EHBP1: variants seen among roughly 807,000 people sequenced by gnomAD.
EHBP1 encodes EH domain-binding protein 1.
Under a neutral mutation model 144.0 loss-of-function variants are expected in EHBP1, and 55 were observed. The ratio of observed to expected loss-of-function variants is 0.38; its 90% CI spans 0.31 to 0.48. The LOEUF (loss-of-function observed/expected upper bound fraction) is 0.48. Among genes scored for constraint, EHBP1 ranks in the 20% least tolerant of loss-of-function variants. EHBP1 has a pLI of 0.98. For missense variants in EHBP1, 1,200 were observed against 1,364.2 expected, an observed-to-expected ratio of 0.88 and a Z score of 1.90; for synonymous variants, 469 against 472.7, an observed-to-expected ratio of 0.99 and a Z score of 0.10.
chr2:62,971,273 A>T (rs2058484146), intron 14 of EHBP1, among the ~76,000 whole-genome samples: 1 of 152,232 alleles, frequency 6.6e-6, no homozygotes. Context: ...TATCCTGAAG[A>T]TGTTAGCAAA....
chr2:63,035,954 A>C (rs2061425896), intron 19 of EHBP1, among the ~76,000 whole-genome samples: 2 of 152,034 alleles, frequency 1.3e-5, no homozygotes, highest in African/African-American at 4.8e-5. Context: ...AAAACAATAA[A>C]GACTTTTGTT....
intron 2 of EHBP1, among the ~76,000 whole-genome samples, chr2:62,733,880 T>G (rs1048146104): frequency 2.6e-5 from 4 of 152,210 alleles, no homozygotes; most frequent in African/African-American, 9.7e-5. Flanking sequence ...TTTCTTACTC[T>G]GGTACTGTGG....
chr2:62,990,325 G>T (rs1335932145), intron 15 of EHBP1, among the ~76,000 whole-genome samples: 1 of 151,890 alleles, frequency 6.6e-6, no homozygotes, highest in Non-Finnish European at 1.5e-5. Context: ...TATACTAAAA[G>T]AAAACTACAA....
At chr2:62,731,637 C>T (rs1260960842) in intron 2 of EHBP1, among the ~76,000 whole-genome samples, 4 of 152,100 alleles carry the variant, frequency 2.6e-5, no homozygotes, top group Non-Finnish European at 4.4e-5. Flanking sequence ...GTCAAATACT[C>T]CATCTAATGA....
At chr2:62,920,889 G>A (rs569033140) in intron 10 of EHBP1, among the ~76,000 whole-genome samples, 44 of 151,848 alleles carry the variant, frequency 2.9e-4, no homozygotes, top group African/African-American at 1.0e-3. Flanking sequence ...GGCTGGTCTC[G>A]AATTCCTGAC....
chr2:62,760,092 CCCT>C (rs2040645266), intron 3 of EHBP1, among the ~76,000 whole-genome samples: 2 of 152,004 alleles, frequency 1.3e-5, no homozygotes, highest in African/African-American at 4.8e-5. Context: ...GAAAAGTCAG[CCCT>C]CCACATATGC....
At chr2:62,979,460 G>C in intron 15 of EHBP1, 125 bp downstream of exon 15, 12 of 959,986 alleles carry the variant, frequency 1.3e-5, no homozygotes, top group Non-Finnish European at 1.6e-5. Context: ...CTATTGATAT[G>C]TTGCAAAACA....
intron 10 of EHBP1, among the ~76,000 whole-genome samples, chr2:62,888,596 T>A (rs2052144206): frequency 6.6e-6 from 1 of 152,336 alleles, no homozygotes; most frequent in East Asian, 1.9e-4. Flanking sequence ...AAATAACTTA[T>A]TTGTGTACTT....
chr2:62,840,786 T>G (rs1172286789), intron 7 of EHBP1, among the ~76,000 whole-genome samples: 1 of 151,668 alleles, frequency 6.6e-6, no homozygotes, highest in Non-Finnish European at 1.5e-5. Flanking sequence ...AAAACCACTA[T>G]GAGATATCAT....
At chr2:62,810,247 A>G (rs1334531054) in intron 5 of EHBP1, among the ~76,000 whole-genome samples, 2 of 152,232 alleles carry the variant, frequency 1.3e-5, no homozygotes, top group Non-Finnish European at 2.9e-5. Flanking sequence ...GAAAAAAAGT[A>G]TAGCATTAAA....
Position 62,879,590 on chromosome 2 carries a change from C to CACACACAG in EHBP1, c.1185+5059_1185+5060insCACACAGA, listed in dbSNP as rs1453595274. On this transcript the variant is annotated intron_variant, in intron 10 of 22. Transcript: ENST00000431489. ...ACACACACACACACACACACACACA[C>CACACACAG]AGAGACAGAGAGAGAGAGAGAGGGA... Among the ~76,000 whole-genome samples, 65 of 139,200 alleles carry CACACACAG rather than the reference C, an allele frequency of 4.7e-4. 1 individual carries two copies. Among genetic ancestry groups the CACACACAG allele is most frequent in the Middle Eastern group, 7.4e-3 (2 of 270 alleles). 91.3% of individuals were successfully genotyped at this position (139,200 alleles called of 152,430 possible). A position where few individuals can be genotyped will look rare whatever the true frequency, so the allele number is the denominator to read the frequency against.
chr2:62,816,802 T>TTG (rs2045483343), intron 5 of EHBP1, among the ~76,000 whole-genome samples: 1 of 152,206 alleles, frequency 6.6e-6, no homozygotes, highest in Non-Finnish European at 1.5e-5. Flanking sequence ...AAGGTATTAC[T>TTG]GAAGTGGCTC....
At chr2:62,842,647 A>G (rs1388845088) in intron 7 of EHBP1, among the ~76,000 whole-genome samples, 1 of 152,198 alleles carries the variant, frequency 6.6e-6, no homozygotes, top group Non-Finnish European at 1.5e-5. Context: ...ACTACCATAT[A>G]CAAATGTAGG....
chr2:62,894,185 G>A (rs761831634), intron 10 of EHBP1, among the ~76,000 whole-genome samples: 2 of 152,182 alleles, frequency 1.3e-5, no homozygotes, highest in Non-Finnish European at 2.9e-5. Flanking sequence ...AGAGGGACAT[G>A]ACTAAGACAA....
intron 7 of EHBP1, among the ~76,000 whole-genome samples, chr2:62,855,430 A>G (rs2048973400): frequency 1.3e-5 from 2 of 152,122 alleles, no homozygotes; most frequent in African/African-American, 4.8e-5. Context: ...CCTAGGCACC[A>G]TGAATGGCAG....
intron 4 of EHBP1, among the ~76,000 whole-genome samples, chr2:62,764,894 C>G (rs1196584749): frequency 2.0e-5 from 3 of 151,948 alleles, no homozygotes; most frequent in African/African-American, 4.8e-5. Flanking sequence ...AGAAAGTTAT[C>G]AGTATGTTTA....
At chr2:62,935,234 C>G (rs1322532753) in intron 10 of EHBP1, among the ~76,000 whole-genome samples, 1 of 150,436 alleles carries the variant, frequency 6.6e-6, no homozygotes, top group Non-Finnish European at 1.5e-5. Context: ...GAGGCTGAGG[C>G]AGGAGAATCC....
intron 5 of EHBP1, among the ~76,000 whole-genome samples, chr2:62,810,039 G>C (rs1214639497): frequency 6.6e-6 from 1 of 152,064 alleles, no homozygotes; most frequent in Non-Finnish European, 1.5e-5. Context: ...CTAAAATTTA[G>C]GTTTACAAAG....
intron 13 of EHBP1, among the ~76,000 whole-genome samples, chr2:62,951,331 A>G (rs2057370447): frequency 1.3e-5 from 2 of 152,144 alleles, no homozygotes; most frequent in African/African-American, 4.8e-5. Flanking sequence ...AAGAAATATA[A>G]TAGCTGCCAA....
Sources: allele counts gnomAD v4.1 joint callset (sites outside exome capture counted in the v4.1 genomes callset), GRCh38; gene constraint gnomAD v4.1.1; transcripts MANE v1.5; gene names NCBI Gene and HGNC (gene_info 2026-07-23, HGNC 2026-07-21).